Variants in CNTLN observed in about 807,000 individuals in gnomAD.
CNTLN encodes the protein centlein.
In CNTLN, 212 loss-of-function variants were observed where a neutral mutation model predicts 180.0. The ratio of observed to expected loss-of-function variants is 1.18; its 90% CI spans 1.05 to 1.32. CNTLN has a LOEUF of 1.32. CNTLN is among the 40% of genes most tolerant of loss of function. The pLI is 0.00. For synonymous variants in CNTLN, 722 were observed against 563.1 expected, an observed-to-expected ratio of 1.28 and a Z score of -3.99; for missense variants, 2,095 against 1,610.9, an observed-to-expected ratio of 1.30 and a Z score of -5.14.
chr9:17,499,235 A>T lies in CNTLN; in HGVS notation c.4120-3316A>T, dbSNP rs377423850. On this transcript the variant is annotated intron_variant, in intron 25 of 25. Coordinates refer to ENST00000380647, the MANE Select transcript of CNTLN (RefSeq NM_017738.4). The stretch of plus-strand genomic sequence containing the variant: ...GAATTGATGTTCATGTGGTACTATA[A>T]GATTTTGAAGAGCTTTCTTGAATCA... Among the ~76,000 whole-genome samples, 19 of 152,286 alleles carry T rather than the reference A, an allele frequency of 1.2e-4. No individual in the cohort carries two copies. In the East Asian group the frequency reaches 2.3e-3, roughly 19 times the overall value.
At chr9:17,372,507 C>A (rs938076308) in intron 13 of CNTLN, among the ~76,000 whole-genome samples, 14 of 152,070 alleles carry the variant, frequency 9.2e-5, no homozygotes, top group African/African-American at 3.1e-4. Flanking sequence ...AAAGAAACAA[C>A]CAGGACCTGG....
chr9:17,151,165 C>G (rs1347971085), intron 2 of CNTLN, among the ~76,000 whole-genome samples: 3 of 152,072 alleles, frequency 2.0e-5, no homozygotes, highest in African/African-American at 7.2e-5. Flanking sequence ...TTGCCCTGGC[C>G]AGAACTTCCA....
At chr9:17,272,742 C>T (rs146783922) in intron 5 of CNTLN, among the ~76,000 whole-genome samples, 1 of 152,004 alleles carries the variant, frequency 6.6e-6, no homozygotes, top group Non-Finnish European at 1.5e-5. Context: ...TTCTGTAGTC[C>T]CCAGTTTCAT....
At chr9:17,314,420 C>G (rs1819409423) in intron 8 of CNTLN, among the ~76,000 whole-genome samples, 1 of 152,254 alleles carries the variant, frequency 6.6e-6, no homozygotes, top group East Asian at 1.9e-4. Context: ...TTAATTAGGT[C>G]AGATTTAAAT....
intron 5 of CNTLN, among the ~76,000 whole-genome samples, chr9:17,266,895 A>T (rs1457154473): frequency 6.6e-6 from 1 of 151,984 alleles, no homozygotes; most frequent in Non-Finnish European, 1.5e-5. Context: ...TGCTTGGTAG[A>T]TCTTTCTCCA....
chr9:17,335,850 G>A (rs1365762784), intron 10 of CNTLN, among the ~76,000 whole-genome samples: 1 of 150,846 alleles, frequency 6.6e-6, no homozygotes, highest in Non-Finnish European at 1.5e-5. Flanking sequence ...GCTGAGGGAT[G>A]AGAATCGCTT....
intron 13 of CNTLN, among the ~76,000 whole-genome samples, chr9:17,380,446 A>G (rs1478289363): frequency 6.6e-6 from 1 of 152,172 alleles, no homozygotes; most frequent in Non-Finnish European, 1.5e-5. Flanking sequence ...TACGTGTGTA[A>G]CAGTGTGATT....
At chr9:17,513,368 T>C in the CNTLN span, among the ~76,000 whole-genome samples, 1 of 151,866 alleles carries the variant, frequency 6.6e-6, no homozygotes, top group Non-Finnish European at 1.5e-5. Context: ...ATGTTAAAAA[T>C]GAACTGAAAA....
chr9:17,235,841 G>T, intron 4 of CNTLN, 49 bp downstream of exon 4: 1 of 1,546,692 alleles, frequency 6.5e-7, no homozygotes, highest in Non-Finnish European at 8.7e-7. Context: ...TTGAAGTTCT[G>T]CTTTAAGCTT....
chr9:17,413,441 C>G, intron 16 of CNTLN, among the ~76,000 whole-genome samples: 1 of 152,016 alleles, frequency 6.6e-6, no homozygotes, highest in East Asian at 1.9e-4. Flanking sequence ...AGAACTTTTG[C>G]TCCTCAAAAG....
At chr9:17,247,044 A>G (rs539553737) in intron 5 of CNTLN, among the ~76,000 whole-genome samples, 2 of 152,162 alleles carry the variant, frequency 1.3e-5, no homozygotes, top group Admixed American at 6.5e-5. Context: ...ACTCTCCTTT[A>G]GCAGAAGGTA....
At chr9:17,460,546 A>G (rs1831391466) in intron 19 of CNTLN, among the ~76,000 whole-genome samples, 1 of 151,764 alleles carries the variant, frequency 6.6e-6, no homozygotes, top group Non-Finnish European at 1.5e-5. Flanking sequence ...TAACTTCTCT[A>G]GAGGTCTAAA....
At chr9:17,276,705 C>G (rs1052066913) in intron 6 of CNTLN, among the ~76,000 whole-genome samples, 1 of 151,912 alleles carries the variant, frequency 6.6e-6, no homozygotes, top group Non-Finnish European at 1.5e-5. Flanking sequence ...GATGCTCAAG[C>G]CCTTGATATA....
intron 7 of CNTLN, chr9:17,301,775 C>T: frequency 4.1e-6 from 4 of 974,504 alleles, no homozygotes; most frequent in Non-Finnish European, 4.9e-6. Context: ...GTTTTGGTGG[C>T]TGTATGTAGT....
At chr9:17,387,859 G>C (rs1330391789) in intron 13 of CNTLN, among the ~76,000 whole-genome samples, 1 of 151,660 alleles carries the variant, frequency 6.6e-6, no homozygotes, top group South Asian at 2.1e-4. Context: ...AGGCAAAGGG[G>C]GAATAGTCTA....
chr9:17,219,796 A>G (rs1824010375), intron 2 of CNTLN, among the ~76,000 whole-genome samples: 1 of 152,124 alleles, frequency 6.6e-6, no homozygotes, highest in South Asian at 2.1e-4. Flanking sequence ...GGTTCCAGGA[A>G]GTACAAAATT....
In CNTLN at chr9:17,290,564, T is replaced by C. The variant is rs1291358350; in HGVS notation, c.984-7626T>C. Among the ~76,000 whole-genome samples, 3 of 139,880 alleles carry C rather than the reference T, an allele frequency of 2.1e-5. No individual in the cohort carries two copies. The South Asian group carries it at 8.0e-4, about 38-fold the overall frequency. The allele number at this position is 139,880 out of a possible 152,430, so 91.8% of individuals were successfully genotyped here. On this transcript the variant is annotated intron_variant, in intron 6 of 25. Transcript: ENST00000380647. ...AGTTCGAGCTTCCTGGCTGCTTTGTTTACCTAAGGAAGCCTGGGCAATGGC... is the reference window on the plus strand; with the variant it reads ...AGTTCGAGCTTCCTGGCTGCTTTGTCTACCTAAGGAAGCCTGGGCAATGGC...
chr9:17,213,807 G>A (rs188345200), intron 2 of CNTLN, among the ~76,000 whole-genome samples: 2 of 152,162 alleles, frequency 1.3e-5, no homozygotes, highest in African/African-American at 4.8e-5. Context: ...TTACCATTAT[G>A]TAGTGGCCTT....
chr9:17,401,734 A>T (rs1826991082), intron 15 of CNTLN, among the ~76,000 whole-genome samples: 1 of 151,856 alleles, frequency 6.6e-6, no homozygotes, highest in South Asian at 2.1e-4. Context: ...TTACAAGATT[A>T]CTTGTTTATA....
Sources: gnomAD v4.1 joint callset for allele counts (sites outside exome capture counted in the v4.1 genomes callset) on GRCh38, gnomAD v4.1.1 for gene constraint, MANE v1.5 for transcripts, NCBI Gene and HGNC (gene_info 2026-07-23, HGNC 2026-07-21) for gene names.